Variants in USP9Y observed in about 807,000 individuals in gnomAD.
USP9Y encodes the protein ubiquitin carboxyl-terminal hydrolase 9Y.
USP9Y carries 41 observed loss-of-function variants against 53.1 expected under a neutral mutation model. The observed-to-expected ratio is 0.77, with a 90% CI of 0.60 to 1.00. USP9Y has a LOEUF of 1.00. USP9Y is among the 50% of genes least tolerant of loss of function. USP9Y has a pLI of 0.00. For synonymous variants in USP9Y, 220 were observed against 173.7 expected (o/e 1.27, Z -2.09); for missense variants, 567 against 535.8 (o/e 1.06, Z -0.58).
chrY:12,827,364 A>G, intron 33 of USP9Y, among the ~76,000 whole-genome samples: 1 of 33,066 alleles, frequency 3.0e-5, no homozygotes, highest in East Asian at 8.0e-4. Flanking sequence ...GAACAGGAAA[A>G]TCAAACTACG....
At chrY:12,773,968 G>T in intron 17 of USP9Y, 43 bp downstream of exon 17, 1 of 313,495 alleles carries the variant, frequency 3.2e-6, no homozygotes, top group South Asian at 3.5e-5. Flanking sequence ...CATTGTACCT[G>T]AGGTTACTTT....
At chrY:12,719,660 T>C in intron 3 of USP9Y, among the ~76,000 whole-genome samples, 1 of 33,310 alleles carries the variant, frequency 3.0e-5, no homozygotes, top group Non-Finnish European at 7.4e-5. Flanking sequence ...TACTTCAGTA[T>C]CCTATCCTTA....
intron 27 of USP9Y, among the ~76,000 whole-genome samples, chrY:12,800,117 A>T: frequency 3.0e-5 from 1 of 33,564 alleles, no homozygotes; most frequent in Non-Finnish European, 7.4e-5. Context: ...GCCGCTCCCG[A>T]TCAGGCTAGA....
At chrY:12,739,742 T>G (rs2053455857) in intron 12 of USP9Y, 113 bp downstream of exon 12, 1 of 130,390 alleles carries the variant, frequency 7.7e-6, no homozygotes, top group Non-Finnish European at 1.4e-5. Context: ...TTAACTAACA[T>G]TTTCATGGAA....
At chrY:12,772,930 C>G in intron 16 of USP9Y, among the ~76,000 whole-genome samples, 1 of 32,752 alleles carries the variant, frequency 3.1e-5, no homozygotes, top group Admixed American at 2.8e-4. Flanking sequence ...TTGTCATTCA[C>G]AGAAATAGTA....
chrY:12,804,634 C>T (rs2053522243), intron 27 of USP9Y, among the ~76,000 whole-genome samples: 1 of 33,481 alleles, frequency 3.0e-5, no homozygotes, highest in Non-Finnish European at 7.4e-5. Context: ...TTCTGTTTGA[C>T]AGTTTATCAT....
rs1043307924 is a variant in USP9Y, at chrY:12,790,841, A to G, written c.3687+309A>G. Among the ~76,000 whole-genome samples, 9 of 33,725 alleles carry G rather than the reference A, an allele frequency of 2.7e-4. No individual in the cohort carries two copies. The South Asian group carries it at 6.0e-3, about 22-fold the overall frequency. The allele number at this position is 33,725 out of a possible 37,273, so 90.5% of individuals were successfully genotyped here. A position where few individuals can be genotyped will look rare whatever the true frequency, so the allele number is the denominator to read the frequency against. ...CACACAAGCAAGGAATAGGACGTTT[A>G]TAATGGCTCCAGAAGTTTTCTTGTG... On this transcript the variant is annotated intron_variant, in intron 25 of 45. Transcript: ENST00000338981.
chrY:12,856,122 C>A (rs2053575959), intron 42 of USP9Y, among the ~76,000 whole-genome samples: 2 of 32,918 alleles, frequency 6.1e-5, no homozygotes, highest in South Asian at 1.4e-3. Context: ...GTTGCCAGAT[C>A]TGTAATATTT....
chrY:12,746,485 C>T (rs2053460728), intron 12 of USP9Y, among the ~76,000 whole-genome samples: 1 of 32,853 alleles, frequency 3.0e-5, no homozygotes, highest in Non-Finnish European at 7.5e-5. Flanking sequence ...AAACAAATAC[C>T]CTTTTTAATT....
At position 12,791,504 on chromosome Y, in the gene USP9Y, A is replaced by G; in HGVS notation, c.3693A>G (p.Ser1231=). 1 of 395,239 alleles carries G rather than the reference A, an allele frequency of 2.5e-6. No homozygotes were observed. Among genetic ancestry groups the G allele is most frequent in the Non-Finnish European group, 3.6e-6 (1 of 280,842 alleles). ...TATTTATTTCTTTTCTGCAGGCTTC[A>G]AGATATATGCCTGATATTTGTGTAA... ...LLAQEISNEA[S]RYMPDICVIR... The change falls in exon 26 of 46, where the codon TCA becomes TCG. Residue 1231 remains serine, a synonymous_variant. Coordinates refer to ENST00000338981, the MANE Select transcript of USP9Y (RefSeq NM_004654.4).
intron 24 of USP9Y, among the ~76,000 whole-genome samples, chrY:12,789,860 G>T: frequency 3.1e-5 from 1 of 32,549 alleles, no homozygotes; most frequent in Admixed American, 2.8e-4. Flanking sequence ...GGTAGGCCTA[G>T]TCACCTGTGG....
intron 22 of USP9Y, among the ~76,000 whole-genome samples, chrY:12,783,598 C>T: frequency 9.1e-5 from 3 of 33,082 alleles, no homozygotes; most frequent in Non-Finnish European, 1.5e-4. Context: ...TGAGAATTAC[C>T]AAAATGTGAC....
chrY:12,773,661 A>G lies in USP9Y; in HGVS notation c.2067A>G (p.Ala689=). Residue 689 remains alanine, a synonymous_variant, in exon 17 of 46, where the codon GCA becomes GCG. Transcript: ENST00000338981. ...TATGGAAGTGCTTAGCAGAAAATGC[A>G]GTTTATCTTTGTGATCGTGAAGCCT... The part of the protein sequence containing the change: ...KQIWKCLAEN[A]VYLCDREACF... 2.5e-6 allele frequency: 1 copy of G among 398,843 alleles called. No individual in the cohort carries two copies. The highest frequency in any genetic ancestry group is 3.5e-6 in the Non-Finnish European group (1 of 283,590).
chrY:12,808,106 G>C (rs2053526370), intron 27 of USP9Y, among the ~76,000 whole-genome samples: 1 of 33,987 alleles, frequency 2.9e-5, no homozygotes, highest in Non-Finnish European at 7.3e-5. Flanking sequence ...AAATTCTTTA[G>C]TATATTTAAC....
chrY:12,760,412 G>T (rs761417427), intron 14 of USP9Y, 72 bp from the exon 15 acceptor site: 1 of 362,380 alleles, frequency 2.8e-6, no homozygotes, highest in East Asian at 9.8e-5. Flanking sequence ...CTAGAATTTA[G>T]CTTCTGTAAA....
rs769800704 is a variant in USP9Y, at chrY:12,737,827, C to G, written c.1165-330C>G. Among the ~76,000 whole-genome samples, 6 of 33,460 alleles carry G rather than the reference C, an allele frequency of 1.8e-4. No individual in the cohort carries two copies. The East Asian group carries it at 4.7e-3, about 26-fold the overall frequency. 89.8% of individuals were successfully genotyped at this position (33,460 alleles called of 37,273 possible). On this transcript the variant is annotated intron_variant, in intron 10 of 45. Coordinates refer to ENST00000338981, the MANE Select transcript of USP9Y (RefSeq NM_004654.4). ...AATCTTTATTTGCAGAAGTAAAATT[C>G]TGTAAAATTATTTATGTTAATGTAT...
chrY:12,775,141 TA>T (rs2053491161), intron 17 of USP9Y, among the ~76,000 whole-genome samples: 1 of 32,775 alleles, frequency 3.1e-5, no homozygotes, highest in African/African-American at 1.2e-4. Context: ...AGCTCTATGT[TA>T]AATAGTATTT....
intron 12 of USP9Y, among the ~76,000 whole-genome samples, chrY:12,742,575 TC>T (rs2053457583): frequency 1.2e-4 from 4 of 33,116 alleles, no homozygotes; most frequent in Admixed American, 1.1e-3. Context: ...GTTCTCCAGG[TC>T]CCCATCTGAA....
At chrY:12,770,337 G>T in intron 15 of USP9Y, among the ~76,000 whole-genome samples, 1 of 31,926 alleles carries the variant, frequency 3.1e-5, no homozygotes, top group Admixed American at 2.9e-4. Flanking sequence ...TTGAATCCGG[G>T]AGACAAAGGT....
Sources: gnomAD v4.1 joint callset for allele counts (sites outside exome capture counted in the v4.1 genomes callset) on GRCh38, gnomAD v4.1.1 for gene constraint, MANE v1.5 for transcripts, NCBI Gene and HGNC (gene_info 2026-07-23, HGNC 2026-07-21) for gene names.